Variants in GRM8 observed in about 807,000 individuals in gnomAD.
The protein encoded by GRM8 is metabotropic glutamate receptor 8.
A neutral mutation model predicts 87.2 loss-of-function variants in GRM8; 47 were observed. The ratio of observed to expected loss-of-function variants is 0.54; its 90% CI spans 0.43 to 0.69. The LOEUF is 0.69. Ranked by LOEUF, GRM8 falls within the 30% of genes least tolerant of loss-of-function variation. GRM8 has a pLI of 0.00. For synonymous variants in GRM8, 396 were observed against 404.5 expected (o/e 0.98, Z 0.25); for missense variants, 1,019 against 1,139.2 (o/e 0.89, Z 1.52).
At chr7:126,626,712 T>C (rs1026728052) in intron 7 of GRM8, among the ~76,000 whole-genome samples, 1 of 152,202 alleles carries the variant, frequency 6.6e-6, no homozygotes, top group African/African-American at 2.4e-5. Flanking sequence ...TGCTTTATAC[T>C]TCTCCATATA....
At chr7:126,821,789 C>T (rs902145359) in intron 6 of GRM8, among the ~76,000 whole-genome samples, 1 of 152,100 alleles carries the variant, frequency 6.6e-6, no homozygotes, top group African/African-American at 2.4e-5. Context: ...ATCATCAGTG[C>T]AATACTATAT....
chr7:126,980,323 A>T (rs908484336), intron 3 of GRM8, among the ~76,000 whole-genome samples: 11 of 152,232 alleles, frequency 7.2e-5, no homozygotes, highest in African/African-American at 2.7e-4. Context: ...AATGGAAATG[A>T]TTCTTTCAGC....
At chr7:126,783,970 A>G (rs747539826) in intron 6 of GRM8, among the ~76,000 whole-genome samples, 3 of 152,214 alleles carry the variant, frequency 2.0e-5, no homozygotes, top group African/African-American at 4.8e-5. Context: ...GTGGCTTTTG[A>G]CTACAAACCT....
At chr7:126,861,889 T>C (rs569277786) in intron 6 of GRM8, among the ~76,000 whole-genome samples, 1 of 152,140 alleles carries the variant, frequency 6.6e-6, no homozygotes, top group East Asian at 1.9e-4. Flanking sequence ...CTTTTAGCTT[T>C]TTATTTTGAT....
At chr7:126,965,116 CATGG>C (rs1563361189) in intron 3 of GRM8, among the ~76,000 whole-genome samples, 5 of 152,076 alleles carry the variant, frequency 3.3e-5, no homozygotes. Context: ...AATGAGAACA[CATGG>C]ACACAGGGTG....
chr7:126,497,379 C>G (rs996662821), intron 9 of GRM8, among the ~76,000 whole-genome samples: 9 of 151,976 alleles, frequency 5.9e-5, no homozygotes, highest in Non-Finnish European at 5.9e-5. Context: ...CTGGGTATGT[C>G]TGTCTCCAAA....
chr7:127,172,965 T>C (rs920947070), intron 2 of GRM8, among the ~76,000 whole-genome samples: 1 of 152,156 alleles, frequency 6.6e-6, no homozygotes, highest in Admixed American at 6.5e-5. Flanking sequence ...TGGTGGATTA[T>C]AGGAAAACTA....
intron 2 of GRM8, among the ~76,000 whole-genome samples, chr7:127,167,921 AG>A (rs1793552098): frequency 6.6e-6 from 1 of 152,204 alleles, no homozygotes; most frequent in Non-Finnish European, 1.5e-5. Flanking sequence ...AAGAAAACCT[AG>A]GCAACACCAT....
intron 9 of GRM8, among the ~76,000 whole-genome samples, chr7:126,446,579 C>A (rs1040844544): frequency 2.0e-5 from 3 of 151,826 alleles, no homozygotes; most frequent in African/African-American, 7.3e-5. Context: ...TTTATTGAAC[C>A]CAATTTATTA....
intron 6 of GRM8, among the ~76,000 whole-genome samples, chr7:126,882,479 T>C (rs1310483568): frequency 1.3e-5 from 2 of 152,018 alleles, no homozygotes; most frequent in East Asian, 3.9e-4. Context: ...ATATCTTCAA[T>C]AACAAGAAAC....
intron 3 of GRM8, among the ~76,000 whole-genome samples, chr7:127,016,330 C>G (rs1231466539): frequency 6.6e-6 from 1 of 151,978 alleles, no homozygotes; most frequent in Non-Finnish European, 1.5e-5. Flanking sequence ...CCTAGATACA[C>G]TAAAAGGAGC....
At chr7:126,615,037 C>T (rs928525692) in intron 7 of GRM8, among the ~76,000 whole-genome samples, 17 of 152,130 alleles carry the variant, frequency 1.1e-4, no homozygotes, top group Admixed American at 2.6e-4. Context: ...CACAAAGATA[C>T]TCCTCGAGAA....
chr7:127,069,751 T>C (rs535488310), intron 3 of GRM8, among the ~76,000 whole-genome samples: 1 of 152,316 alleles, frequency 6.6e-6, no homozygotes, highest in South Asian at 2.1e-4. Context: ...AGAAATATGG[T>C]GTCATGATTA....
Position 126,983,108 on chromosome 7 carries a change from G to A in GRM8, c.728-78425C>T, listed in dbSNP as rs193055844. Among the ~76,000 whole-genome samples the A allele has an allele frequency of 6.6e-5, 10 of 152,272 alleles. No homozygotes were observed. In the East Asian group the frequency reaches 1.9e-3, roughly 29 times the overall value. On this transcript the variant is annotated intron_variant, in intron 3 of 10. Coordinates refer to ENST00000339582, the MANE Select transcript of GRM8 (RefSeq NM_000845.3). ...CTTAAAGGTAGGAGGAGCCCAAAGT[G>A]TCCAGGTGGCAATCTTAACTTCCAG...
chr7:126,668,610 G>A (rs1806051814), intron 7 of GRM8, among the ~76,000 whole-genome samples: 1 of 152,162 alleles, frequency 6.6e-6, no homozygotes, highest in Admixed American at 6.5e-5. Flanking sequence ...TGCTGCCGCA[G>A]CCTTCCACCT....
At chr7:126,965,217 G>T (rs1809725423) in intron 3 of GRM8, among the ~76,000 whole-genome samples, 1 of 151,948 alleles carries the variant, frequency 6.6e-6, no homozygotes, top group Non-Finnish European at 1.5e-5. Context: ...TTAGATGACA[G>T]GTTGATGGGT....
At chr7:127,178,506 T>C (rs1794244659) in intron 2 of GRM8, among the ~76,000 whole-genome samples, 1 of 152,172 alleles carries the variant, frequency 6.6e-6, no homozygotes, top group Admixed American at 6.5e-5. Flanking sequence ...ATAGAACACC[T>C]GGAAAATTCA....
At chr7:126,840,534 T>C (rs1423228386) in intron 6 of GRM8, among the ~76,000 whole-genome samples, 1 of 152,214 alleles carries the variant, frequency 6.6e-6, no homozygotes, top group Non-Finnish European at 1.5e-5. Flanking sequence ...CATAACCACG[T>C]GGCTTATAAA....
At chr7:126,561,651 GT>G (rs1346507579) in intron 8 of GRM8, among the ~76,000 whole-genome samples, 2 of 150,922 alleles carry the variant, frequency 1.3e-5, no homozygotes, top group East Asian at 1.9e-4. Context: ...TATACTTTAA[GT>G]TTTAGGGTAC....
Sources: gnomAD v4.1 joint callset for allele counts (sites outside exome capture counted in the v4.1 genomes callset) on GRCh38, gnomAD v4.1.1 for gene constraint, MANE v1.5 for transcripts, NCBI Gene and HGNC (gene_info 2026-07-23, HGNC 2026-07-21) for gene names.